FGF14: variants seen among roughly 807,000 people sequenced by gnomAD.
FGF14 encodes fibroblast growth factor 14.
A neutral mutation model predicts 25.5 loss-of-function variants in FGF14; 5 were observed. The observed-to-expected ratio is 0.20, with a 90% CI of 0.10 to 0.41. The LOEUF (loss-of-function observed/expected upper bound fraction) is 0.41. FGF14 is among the 10% of genes least tolerant of loss of function. The pLI, the probability that FGF14 is intolerant of heterozygous loss-of-function variation, is 1.00. For missense variants in FGF14, 222 were observed against 320.1 expected, an observed-to-expected ratio of 0.69 and a Z score of 2.34; for synonymous variants, 138 against 118.3, an observed-to-expected ratio of 1.17 and a Z score of -1.08.
At chr13:102,047,301 C>T (rs1413381260) in intron 1 of FGF14, among the ~76,000 whole-genome samples, 3 of 151,996 alleles carry the variant, frequency 2.0e-5, no homozygotes, top group South Asian at 4.2e-4. Flanking sequence ...TTGGCAGCTT[C>T]GAAATTTTGG....
At chr13:102,065,348 C>T (rs550279960) in intron 1 of FGF14, among the ~76,000 whole-genome samples, 46 of 152,204 alleles carry the variant, frequency 3.0e-4, no homozygotes, top group Admixed American at 8.5e-4. Context: ...GCCCAATACA[C>T]TTGGCTCTTC....
chr13:102,168,194 C>T lies in FGF14; in HGVS notation c.208+233277G>A, dbSNP rs926047916. ...CTGATTATGGCATTAATAGAAACCACGTGCTTTGACAGTGTAAACATTTCC... is the reference window on the plus strand; with the variant it reads ...CTGATTATGGCATTAATAGAAACCATGTGCTTTGACAGTGTAAACATTTCC... On this transcript the variant is annotated intron_variant, in intron 1 of 4. Coordinates refer to the FGF14 transcript ENST00000376131. Among the ~76,000 whole-genome samples, 5 of 152,186 alleles carry T rather than the reference C, an allele frequency of 3.3e-5. No individual in the cohort carries two copies. In the East Asian group the frequency reaches 5.8e-4, roughly 18 times the overall value.
At chr13:102,361,870 T>A (rs1328632132) in intron 1 of FGF14, among the ~76,000 whole-genome samples, 1 of 152,114 alleles carries the variant, frequency 6.6e-6, no homozygotes, top group Non-Finnish European at 1.5e-5. Flanking sequence ...ATTTTTTTTT[T>A]AATCTCTCAA....
chr13:102,050,021 A>T (rs951584726), intron 1 of FGF14, among the ~76,000 whole-genome samples: 2 of 152,188 alleles, frequency 1.3e-5, no homozygotes, highest in Non-Finnish European at 2.9e-5. Flanking sequence ...CAGCCCTCCT[A>T]GCAAACTAAT....
At chr13:102,107,507 G>A (rs1205325911) in intron 1 of FGF14, among the ~76,000 whole-genome samples, 1 of 152,084 alleles carries the variant, frequency 6.6e-6, no homozygotes, top group Admixed American at 6.6e-5. Flanking sequence ...TGAAAAAAAA[G>A]AGACTGGCCC....
intron 1 of FGF14, among the ~76,000 whole-genome samples, chr13:101,954,849 C>T (rs1397018397): frequency 6.6e-6 from 1 of 152,210 alleles, no homozygotes; most frequent in Non-Finnish European, 1.5e-5. Context: ...TTGGAAGTGG[C>T]TGTTAAACAT....
intron 1 of FGF14, among the ~76,000 whole-genome samples, chr13:101,909,527 C>T (rs192684805): frequency 0.01 from 1,589 of 152,244 alleles, 33 homozygotes; most frequent in African/African-American, 0.036. Flanking sequence ...AAATGCAAAT[C>T]AAAACCACAA....
At position 101,760,669 on chromosome 13, in the gene FGF14, G is replaced by A. The variant is rs551408661; in HGVS notation, c.409-33859C>T. Among the ~76,000 whole-genome samples, 5 of 152,276 alleles carry A rather than the reference G, an allele frequency of 3.3e-5. No individual in the cohort carries two copies. The South Asian group carries it at 1.0e-3, about 32-fold the overall frequency. On this transcript the variant is annotated intron_variant, in intron 3 of 4. Coordinates refer to ENST00000376143, the MANE Select transcript of FGF14 (RefSeq NM_004115.4). ...TGTACTCATTCAAATGGTAACAAGT[G>A]CTTACTGAGCATCTATTGCATGCTG...
At chr13:101,815,491 C>G (rs2041795428) in intron 3 of FGF14, among the ~76,000 whole-genome samples, 1 of 152,044 alleles carries the variant, frequency 6.6e-6, no homozygotes, top group South Asian at 2.1e-4. Flanking sequence ...TCAGGCTGCC[C>G]TAAACCTTAT....
intron 3 of FGF14, among the ~76,000 whole-genome samples, chr13:101,795,029 C>T (rs1036158168): frequency 1.5e-4 from 23 of 152,100 alleles, no homozygotes; most frequent in African/African-American, 4.1e-4. Flanking sequence ...AAAACATGTA[C>T]ATTATTGTGT....
rs529782134 is a variant in FGF14, at chr13:102,333,327, T to C, written c.208+68144A>G. Among the ~76,000 whole-genome samples, 16 of 152,310 alleles carry C rather than the reference T, an allele frequency of 1.1e-4. 1 individual carries two copies. The South Asian group carries it at 1.9e-3, about 18-fold the overall frequency. ...AAATCAGTGTGTGTCTGTGAGAATATGAGTCATAGATCTGCAAGCAAGGTA... is the reference window on the plus strand; with the variant it reads ...AAATCAGTGTGTGTCTGTGAGAATACGAGTCATAGATCTGCAAGCAAGGTA... On this transcript the variant is annotated intron_variant, in intron 1 of 4. Transcript: ENST00000376131.
chr13:102,387,875 G>A (rs564051306), intron 1 of FGF14, among the ~76,000 whole-genome samples: 10 of 152,170 alleles, frequency 6.6e-5, no homozygotes, highest in African/African-American at 2.2e-4. Context: ...GACTACAGGC[G>A]CATACTACCA....
At chr13:101,901,893 G>T (rs1266860439) in intron 1 of FGF14, among the ~76,000 whole-genome samples, 1 of 152,056 alleles carries the variant, frequency 6.6e-6, no homozygotes, top group Non-Finnish European at 1.5e-5. Context: ...CTACTTTAAA[G>T]GGTTTTTTAA....
At chr13:101,864,740 C>T (rs901479337) in intron 3 of FGF14, among the ~76,000 whole-genome samples, 27 of 152,048 alleles carry the variant, frequency 1.8e-4, no homozygotes, top group African/African-American at 2.2e-4. Context: ...CACTTACGAC[C>T]GCGAAGATGC....
chr13:102,026,383 A>T (rs1243361531), intron 1 of FGF14, among the ~76,000 whole-genome samples: 1 of 151,826 alleles, frequency 6.6e-6, no homozygotes, highest in African/African-American at 2.4e-5. Context: ...TTCATAAAGG[A>T]TATTGATCAA....
At chr13:101,950,278 T>C (rs972444578) in intron 1 of FGF14, among the ~76,000 whole-genome samples, 1 of 152,206 alleles carries the variant, frequency 6.6e-6, no homozygotes, top group African/African-American at 2.4e-5. Flanking sequence ...AGTAGTTGGC[T>C]ACTCTGTTAC....
At chr13:101,961,005 C>G (rs2036821097) in intron 1 of FGF14, among the ~76,000 whole-genome samples, 1 of 152,052 alleles carries the variant, frequency 6.6e-6, no homozygotes, top group African/African-American at 2.4e-5. Flanking sequence ...TGAGAAGTGT[C>G]TGTTCATATC....
At chr13:102,079,622 A>G (rs1023613181) in intron 1 of FGF14, among the ~76,000 whole-genome samples, 1 of 152,112 alleles carries the variant, frequency 6.6e-6, no homozygotes, top group Non-Finnish European at 1.5e-5. Flanking sequence ...GCCATGTACC[A>G]TACATGATAC....
At chr13:101,915,909 T>C (rs1025605316) in intron 1 of FGF14, among the ~76,000 whole-genome samples, 1 of 152,148 alleles carries the variant, frequency 6.6e-6, no homozygotes. Flanking sequence ...GACTGGGCCA[T>C]AGTTCACACA....
Sources: gnomAD v4.1 joint callset for allele counts (sites outside exome capture counted in the v4.1 genomes callset) on GRCh38, gnomAD v4.1.1 for gene constraint, MANE v1.5 for transcripts, NCBI Gene and HGNC (gene_info 2026-07-23, HGNC 2026-07-21) for gene names.